Variants in GOLGA5 observed in about 807,000 individuals in gnomAD.
GOLGA5 encodes the protein golgin subfamily A member 5.
In GOLGA5, 50 loss-of-function variants were observed where a neutral mutation model predicts 93.5. The observed-to-expected ratio is 0.53, with a 90% CI of 0.43 to 0.68. The LOEUF (loss-of-function observed/expected upper bound fraction) is 0.68, where lower values mean the gene tolerates loss of function less well. GOLGA5 is among the 30% of genes least tolerant of loss of function. GOLGA5 has a pLI of 0.00. For synonymous variants in GOLGA5, 312 were observed against 304.5 expected, an observed-to-expected ratio of 1.02 and a Z score of -0.26; for missense variants, 760 against 856.4, an observed-to-expected ratio of 0.89 and a Z score of 1.40.
At chr14:92,818,857 A>C (rs928251302) in intron 7 of GOLGA5, among the ~76,000 whole-genome samples, 4 of 152,238 alleles carry the variant, frequency 2.6e-5, no homozygotes, top group Non-Finnish European at 4.4e-5. Context: ...TGTTTTTGCT[A>C]CTAGGAGATT....
At chr14:92,810,182 C>G (rs896330571) in intron 4 of GOLGA5, 72 bp from the exon 5 acceptor site, 2 of 1,095,794 alleles carry the variant, frequency 1.8e-6, no homozygotes, top group African/African-American at 1.6e-5. Flanking sequence ...AGCTGACGCT[C>G]TAAAAATTAT....
chr14:92,826,202 A>G (rs1399675763), intron 9 of GOLGA5, among the ~76,000 whole-genome samples: 3 of 152,052 alleles, frequency 2.0e-5, no homozygotes, highest in African/African-American at 7.2e-5. Context: ...AAGGTTTTTC[A>G]TCAAATTAGA....
At chr14:92,836,050 TATC>T (rs1885635063) in intron 11 of GOLGA5, among the ~76,000 whole-genome samples, 1 of 152,074 alleles carries the variant, frequency 6.6e-6, no homozygotes, top group Non-Finnish European at 1.5e-5. Context: ...CCCAGAATTT[TATC>T]ATGCTATTAG....
chr14:92,824,770 G>A (rs963789487), intron 9 of GOLGA5, 126 bp downstream of exon 9: 103 of 590,218 alleles, frequency 1.7e-4, no homozygotes, highest in Non-Finnish European at 2.8e-4. Context: ...GGTGACAAAA[G>A]TTCTTTTCAA....
At chr14:92,836,413 A>G (rs1366467330) in intron 11 of GOLGA5, among the ~76,000 whole-genome samples, 1 of 152,220 alleles carries the variant, frequency 6.6e-6, no homozygotes, top group Non-Finnish European at 1.5e-5. Flanking sequence ...ATTATGTCCA[A>G]ATTAAGCACA....
chr14:92,836,153 A>C (rs1201178881), intron 11 of GOLGA5, among the ~76,000 whole-genome samples: 2 of 152,094 alleles, frequency 1.3e-5, no homozygotes, highest in Non-Finnish European at 2.9e-5. Flanking sequence ...TGTATATGTA[A>C]ATTTTTTATA....
chr14:92,808,278 A>T (rs2140318039), intron 3 of GOLGA5, among the ~76,000 whole-genome samples: 1 of 152,050 alleles, frequency 6.6e-6, no homozygotes, highest in South Asian at 2.1e-4. Context: ...AAAACAAAGT[A>T]CTCACTAGTC....
intron 1 of GOLGA5, 44 bp from the exon 2 acceptor site, chr14:92,797,364 C>T (rs1323863574): frequency 8.8e-7 from 1 of 1,140,304 alleles, no homozygotes; most frequent in African/African-American, 1.6e-5. Context: ...ATTTATCATA[C>T]TCTGCCACTA....
chr14:92,797,070 TAATAAA>T (rs1034149072), intron 1 of GOLGA5, among the ~76,000 whole-genome samples: 4 of 95,026 alleles, frequency 4.2e-5, no homozygotes, highest in Non-Finnish European at 7.7e-5. Context: ...TAATAATAAA[TAATAAA>T]AATAGAAATA....
At chr14:92,802,823 A>G (rs543630412) in intron 2 of GOLGA5, among the ~76,000 whole-genome samples, 33 of 151,868 alleles carry the variant, frequency 2.2e-4, no homozygotes, top group African/African-American at 5.8e-4. Flanking sequence ...GGCTATTCAC[A>G]TGTATGATCA....
At chr14:92,815,699 C>CTTTTTTTT (rs571410551) in intron 6 of GOLGA5, among the ~76,000 whole-genome samples, 1 of 91,244 alleles carries the variant, frequency 1.1e-5, no homozygotes, top group East Asian at 3.2e-4. Flanking sequence ...TTTTTTTAAT[C>CTTTTTTTT]TTTTTTTTTT....
At chr14:92,804,450 A>G (rs1884938476) in intron 2 of GOLGA5, among the ~76,000 whole-genome samples, 1 of 152,030 alleles carries the variant, frequency 6.6e-6, no homozygotes, top group African/African-American at 2.4e-5. Context: ...ATCCAACTAC[A>G]GTAATCACTC....
chr14:92,834,176 G>T (rs1885587269), intron 10 of GOLGA5, among the ~76,000 whole-genome samples: 1 of 123,170 alleles, frequency 8.1e-6, no homozygotes, highest in South Asian at 2.9e-4. Flanking sequence ...GTTTCTTTTA[G>T]GTTTCACCTT....
Position 92,806,734 on chromosome 14 carries a change from A to T in GOLGA5, c.545-2A>T, listed in dbSNP as rs756910025. The stretch of plus-strand genomic sequence containing the variant: ...AACAAAAACGTATTCTTTTTTTTAC[A>T]GAAGCTGCCAGTAACTCAGATTCTA... On this transcript the variant is annotated splice_acceptor_variant, in intron 2 of 12. Coordinates refer to ENST00000163416, the MANE Select transcript of GOLGA5 (RefSeq NM_005113.4). LOFTEE classifies it high-confidence loss of function. 2 of 1,603,018 alleles carry T rather than the reference A, an allele frequency of 1.2e-6. No homozygotes were observed. The highest frequency in any genetic ancestry group is 3.3e-5 in the Admixed American group (2 of 59,930).
chr14:92,806,667 C>A, intron 2 of GOLGA5, 69 bp from the exon 3 acceptor site: 1 of 1,035,248 alleles, frequency 9.7e-7, no homozygotes. Flanking sequence ...AGCATCCTAC[C>A]AAAGCAAGTT....
chr14:92,834,314 T>C (rs1176184448), intron 10 of GOLGA5, among the ~76,000 whole-genome samples: 9 of 152,114 alleles, frequency 5.9e-5, no homozygotes, highest in South Asian at 2.1e-4. Flanking sequence ...AACTCGTCAT[T>C]TAGCATTAGG....
chr14:92,833,917 G>A (rs1160648951), intron 10 of GOLGA5, among the ~76,000 whole-genome samples: 5 of 151,236 alleles, frequency 3.3e-5, no homozygotes, highest in Admixed American at 6.6e-5. Context: ...TTTAAGAGAC[G>A]CTGGGTGCCA....
chr14:92,821,404 ATAG>A (rs908996691), intron 8 of GOLGA5, among the ~76,000 whole-genome samples: 10 of 152,194 alleles, frequency 6.6e-5, no homozygotes, highest in African/African-American at 2.4e-4. Context: ...TACTCATATA[ATAG>A]TTTCAGTATT....
At chr14:92,833,378 T>C (rs747504199) in intron 10 of GOLGA5, 31 bp downstream of exon 10, 47 of 1,388,682 alleles carry the variant, frequency 3.4e-5, no homozygotes, top group Non-Finnish European at 4.4e-5. Context: ...AAAAGAACAT[T>C]TCATTCAAAC....
Sources: allele counts gnomAD v4.1 joint callset (sites outside exome capture counted in the v4.1 genomes callset), GRCh38; gene constraint gnomAD v4.1.1; transcripts MANE v1.5; gene names NCBI Gene and HGNC (gene_info 2026-07-23, HGNC 2026-07-21).